RRP7A: variants seen among roughly 807,000 people sequenced by gnomAD.
RRP7A encodes the protein ribosomal RNA processing 7 homolog A.
In RRP7A, 27 loss-of-function variants were observed where a neutral mutation model predicts 38.4. The ratio of observed to expected loss-of-function variants is 0.70; its 90% CI spans 0.52 to 0.97. The LOEUF (loss-of-function observed/expected upper bound fraction) is 0.97, where lower values mean the gene tolerates loss of function less well. Among genes scored for constraint, RRP7A ranks in the 50% least tolerant of loss-of-function variants. RRP7A has a pLI of 0.00. For synonymous variants in RRP7A, 124 were observed against 150.3 expected (o/e 0.83, Z 1.28); for missense variants, 327 against 375.4 (o/e 0.87, Z 1.07).
chr22:42,517,367 TTAAC>T (rs1920933333), intron 2 of RRP7A, among the ~76,000 whole-genome samples: 1 of 133,034 alleles, frequency 7.5e-6, no homozygotes, highest in African/African-American at 2.9e-5. Context: ...AAAAAAAAAA[TTAAC>T]AGTTGTGTTT....
At position 42,509,674 on chromosome 22, in the gene RRP7A, A is replaced by G. The variant is rs190454213; in HGVS notation, c.*3236T>C. 1.3e-5 allele frequency among the ~76,000 whole-genome samples: 2 copies of G among 151,920 alleles called. No individual in the cohort carries two copies. The highest frequency in any genetic ancestry group is 6.6e-5 in the Admixed American group (1 of 15,228). On this transcript the variant is annotated 3_prime_UTR_variant, in exon 7 of 7. Coordinates refer to ENST00000323013, the MANE Select transcript of RRP7A (RefSeq NM_015703.5). ...CCATAAAAAGAAACGAAGCACTGAC[A>G]TGGGCTCCAGCATGGATGAGCCTTG...
At position 42,509,793 on chromosome 22, in the gene RRP7A, G is replaced by C. The variant is rs1341380076; in HGVS notation, c.*3117C>G. Reference sequence around the variant, plus strand: ...AAGTCCAAATAGGACACACGGCAGAGACAAAGCCAGGTCATGGTTGCTCAG... The same window carrying C: ...AAGTCCAAATAGGACACACGGCAGACACAAAGCCAGGTCATGGTTGCTCAG... On this transcript the variant is annotated 3_prime_UTR_variant, in exon 7 of 7. Transcript: ENST00000323013. Among the ~76,000 whole-genome samples the C allele has an allele frequency of 7.6e-6, 1 of 131,742 alleles. No homozygotes were observed. The highest frequency in any genetic ancestry group is 2.7e-5 in the African/African-American group (1 of 37,420). 86.4% of individuals were successfully genotyped at this position (131,742 alleles called of 152,430 possible). A position where few individuals can be genotyped will look rare whatever the true frequency, so the allele number is the denominator to read the frequency against.
Position 42,509,294 on chromosome 22 carries a change from G to T in RRP7A, c.*3616C>A, listed in dbSNP as rs550081398. 6.6e-6 allele frequency among the ~76,000 whole-genome samples: 1 copy of T among 151,318 alleles called. No homozygotes were observed. The highest frequency in any genetic ancestry group is 2.4e-5 in the African/African-American group (1 of 41,346). Reference sequence around the variant, plus strand: ...CATGGAAGGAGGAAGGTCAGAGGAGGGGAGGGCTCAGGCAGCAGGGGATGG... The same window carrying T: ...CATGGAAGGAGGAAGGTCAGAGGAGTGGAGGGCTCAGGCAGCAGGGGATGG... On this transcript the variant is annotated 3_prime_UTR_variant, in exon 7 of 7. Transcript: ENST00000323013.
chr22:42,513,315 G>A (rs1265591314), intron 6 of RRP7A, among the ~76,000 whole-genome samples: 1 of 119,552 alleles, frequency 8.4e-6, no homozygotes, highest in East Asian at 2.3e-4. Context: ...AGTCTTGAGC[G>A]CTCGGCCTGG....
chr22:42,512,434 G>A lies in RRP7A; in HGVS notation c.*476C>T. ...GACCTCAAGGGGGAGACAGAGTCTGGGTTCCAGGGCTGCTGTCTCCTGGCT... is the reference window on the plus strand; with the variant it reads ...GACCTCAAGGGGGAGACAGAGTCTGAGTTCCAGGGCTGCTGTCTCCTGGCT... On this transcript the variant is annotated 3_prime_UTR_variant, in exon 7 of 7. Coordinates refer to ENST00000323013, the MANE Select transcript of RRP7A (RefSeq NM_015703.5). 1.6e-6 allele frequency: 1 copy of A among 615,130 alleles called. No individual in the cohort carries two copies. The highest frequency in any genetic ancestry group is 2.0e-5 in the South Asian group (1 of 50,736). The allele number at this position is 615,130 out of a possible 1,614,324, so 38.1% of individuals were successfully genotyped here. A position where few individuals can be genotyped will look rare whatever the true frequency, so the allele number is the denominator to read the frequency against.
chr22:42,511,570 G>C lies in RRP7A; in HGVS notation c.*1340C>G, dbSNP rs1932462612. 1 of 164,156 alleles carries C rather than the reference G, an allele frequency of 6.1e-6. No individual in the cohort carries two copies. The highest frequency in any genetic ancestry group is 1.6e-4 in the South Asian group (1 of 6,094). 10.2% of individuals were successfully genotyped at this position (164,156 alleles called of 1,614,324 possible). On this transcript the variant is annotated 3_prime_UTR_variant, in exon 7 of 7. Coordinates refer to ENST00000323013, the MANE Select transcript of RRP7A (RefSeq NM_015703.5). ...CCAGTGGGCATGCTGGCTGTAGGTG[G>C]GGATGGCCTTTGCCCGGGTTCCTGG...
At chr22:42,518,663 C>G (rs961805813) in intron 1 of RRP7A, 1 of 470,662 alleles carries the variant, frequency 2.1e-6, no homozygotes, top group African/African-American at 2.0e-5. Flanking sequence ...AGCATCACCT[C>G]CGCCCCTCCT....
At position 42,508,533 on chromosome 22, in the gene RRP7A, C is replaced by T. The variant is rs566815302; in HGVS notation, c.*4377G>A. The stretch of plus-strand genomic sequence containing the variant: ...AGTCACAAGACAGGGCAGGCAGGGC[C>T]GCGGAGGAGGCTGGCTGGGGCCATC... On this transcript the variant is annotated 3_prime_UTR_variant, in exon 7 of 7. Coordinates refer to ENST00000323013, the MANE Select transcript of RRP7A (RefSeq NM_015703.5). Among the ~76,000 whole-genome samples the T allele has an allele frequency of 8.5e-5, 13 of 152,276 alleles. No individual in the cohort carries two copies. The South Asian group carries it at 2.1e-3, about 24-fold the overall frequency.
Position 42,516,368 on chromosome 22 carries a change from T to C in RRP7A, c.217-232A>G, listed in dbSNP as rs886727810. 3 of 575,928 alleles carry C rather than the reference T, an allele frequency of 5.2e-6. No homozygotes were observed. In the African/African-American group the frequency reaches 5.6e-5, roughly 11 times the overall value. 35.7% of individuals were successfully genotyped at this position (575,928 alleles called of 1,614,324 possible). On this transcript the variant is annotated intron_variant, in intron 2 of 6. Coordinates refer to ENST00000323013, the MANE Select transcript of RRP7A (RefSeq NM_015703.5). ...TTTTTTGAGTTGGAGTATTGCTCTG[T>C]AGCCCAGGCTGGAGTCCTGCAACCT...
At chr22:42,519,046 CG>C (rs1920939455) in intron 1 of RRP7A, among the ~76,000 whole-genome samples, 1 of 148,232 alleles carries the variant, frequency 6.7e-6, no homozygotes, top group African/African-American at 2.5e-5. Flanking sequence ...TGCAACAAAC[CG>C]GCACAGCACG....
In RRP7A at chr22:42,513,168, A is replaced by G. The variant is rs1465416131; in HGVS notation, c.758-173T>C. 4.1e-5 allele frequency among the ~76,000 whole-genome samples: 6 copies of G among 146,584 alleles called. No homozygotes were observed. The Admixed American group carries it at 4.2e-4, about 10-fold the overall frequency. ...GGCAGGGTCTGGATCTTGTCAGGAA[A>G]CAGAACCGACGGCAGGCCGAGTCCA... is the stretch of plus-strand genomic sequence containing the variant. On this transcript the variant is annotated intron_variant, in intron 6 of 6. Transcript: ENST00000323013.
rs1458745722 is a variant in RRP7A at position 42,510,630 on chromosome 22, G to C, written c.*2280C>G. Reference sequence around the variant, plus strand: ...ACAACCCCCAACTCCTCACTTTCCAGAGCAGTCCACGGATATTTTGATCCA... The same window carrying C: ...ACAACCCCCAACTCCTCACTTTCCACAGCAGTCCACGGATATTTTGATCCA... On this transcript the variant is annotated 3_prime_UTR_variant, in exon 7 of 7. Transcript: ENST00000323013. The C allele has an allele frequency of 9.6e-6, 12 of 1,255,548 alleles. No individual in the cohort carries two copies. The highest frequency in any genetic ancestry group is 2.2e-6 in the Non-Finnish European group (2 of 897,858). 77.8% of individuals were successfully genotyped at this position (1,255,548 alleles called of 1,614,324 possible).
intron 2 of RRP7A, chr22:42,516,371 C>T (rs117268004): frequency 0.015 from 8,732 of 571,492 alleles, 136 homozygotes; most frequent in Non-Finnish European, 0.022. Context: ...TGCTCTGTAG[C>T]CCAGGCTGGA....
chr22:42,514,172 G>A lies in RRP7A; in HGVS notation c.691C>T (p.Arg231Trp), dbSNP rs141279637. Residue 231 changes from arginine to tryptophan, a missense_variant, in exon 6 of 7, where the codon CGG becomes TGG. By Grantham distance (101) the Arg-to-Trp change is moderately radical (BLOSUM62 -3). Coordinates refer to ENST00000323013, the MANE Select transcript of RRP7A (RefSeq NM_015703.5). ...AGCAGCTCTTTTCGGCTGCGCTTCC[G>A]TCTCTCCCTCTCCAGCACCCGCAAG... ...ASLRVLERER[R>W]KRSRKELLNF... 1.7e-5 allele frequency: 27 copies of A among 1,613,020 alleles called. No individual in the cohort carries two copies. The highest frequency in any genetic ancestry group is 6.7e-5 in the East Asian group (3 of 44,878).
At chr22:42,513,143 G>A (rs2146619401) in intron 6 of RRP7A, 148 bp from the exon 7 acceptor site, 1 of 719,962 alleles carries the variant, frequency 1.4e-6, no homozygotes, top group East Asian at 2.7e-5. Flanking sequence ...CTGCTGTGGG[G>A]GCAGGGTCTG....
intron 6 of RRP7A, among the ~76,000 whole-genome samples, chr22:42,513,513 C>T (rs1180604056): frequency 2.7e-5 from 3 of 112,506 alleles, no homozygotes; most frequent in Non-Finnish European, 3.9e-5. Context: ...CAGGGCCTGC[C>T]GCAGAGCCCG....
At position 42,511,693 on chromosome 22, in the gene RRP7A, C is replaced by G. The variant is rs1181644404; in HGVS notation, c.*1217G>C. The G allele has an allele frequency of 5.9e-6, 1 of 168,868 alleles. No homozygotes were observed. The highest frequency in any genetic ancestry group is 1.3e-5 in the Non-Finnish European group (1 of 78,634). The allele number at this position is 168,868 out of a possible 1,614,324, so 10.5% of individuals were successfully genotyped here. A position where few individuals can be genotyped will look rare whatever the true frequency, so the allele number is the denominator to read the frequency against. ...GTCACCACAAAAGGAAGAAGCCCACCTGTGGCTGGCTGGCTGGCCGCCAGG... is the reference window on the plus strand; with the variant it reads ...GTCACCACAAAAGGAAGAAGCCCACGTGTGGCTGGCTGGCTGGCCGCCAGG... On this transcript the variant is annotated 3_prime_UTR_variant, in exon 7 of 7. Coordinates refer to ENST00000323013, the MANE Select transcript of RRP7A (RefSeq NM_015703.5).
rs1474787765 is a variant in RRP7A at position 42,509,753 on chromosome 22, G to T, written c.*3157C>A. 2.1e-5 allele frequency among the ~76,000 whole-genome samples: 3 copies of T among 145,402 alleles called. No individual in the cohort carries two copies. The highest frequency in any genetic ancestry group is 7.5e-5 in the African/African-American group (3 of 40,068). On this transcript the variant is annotated 3_prime_UTR_variant, in exon 7 of 7. Coordinates refer to ENST00000323013, the MANE Select transcript of RRP7A (RefSeq NM_015703.5). ...GACACAACCGTCTACGTGTTGTATG[G>T]CTGCATTCACGTTCAAGTCCAAATA... is the stretch of plus-strand genomic sequence containing the variant.
rs769983962 is a variant in RRP7A, at chr22:42,519,753, C to A, written c.34G>T (p.Asp12Tyr). Residue 12 changes from aspartate to tyrosine, a missense_variant, in exon 1 of 7, where the codon GAC (aspartate) becomes TAC (tyrosine). Physicochemically the swap from Asp to Tyr is radical, Grantham distance 160. Transcript: ENST00000323013. ...GGGCTGGGGATACGGTCCTCCGGGT[C>A]CCGCGCGGCGCACTTCCTCCTGCGC... ...VARRRKCAAR[D>Y]PEDRIPSPLG... is the part of the protein sequence containing the mutation. The A allele has an allele frequency of 7.6e-6, 11 of 1,454,776 alleles. No homozygotes were observed. The South Asian group carries it at 8.0e-5, about 11-fold the overall frequency. 90.1% of individuals were successfully genotyped at this position (1,454,776 alleles called of 1,614,324 possible). A position where few individuals can be genotyped will look rare whatever the true frequency, so the allele number is the denominator to read the frequency against.
Sources: allele counts gnomAD v4.1 joint callset (sites outside exome capture counted in the v4.1 genomes callset), GRCh38; gene constraint gnomAD v4.1.1; transcripts MANE v1.5; gene names NCBI Gene and HGNC (gene_info 2026-07-23, HGNC 2026-07-21).